Variants in PTPRD observed in about 807,000 individuals in gnomAD.
PTPRD encodes protein tyrosine phosphatase receptor type D.
PTPRD carries 34 observed loss-of-function variants against 214.5 expected under a neutral mutation model. That is an observed-to-expected ratio of 0.16 (90% CI 0.12 to 0.21). PTPRD has a LOEUF of 0.21. PTPRD is among the 10% of genes least tolerant of loss of function. The pLI is 1.00. For missense variants in PTPRD, 2,545 were observed against 2,398.7 expected (o/e 1.06, Z -1.27); for synonymous variants, 1,128 against 845.7 (o/e 1.33, Z -5.79).
chr9:10,060,897 C>CTTTCTTTCT (rs1555531625), intron 3 of PTPRD, among the ~76,000 whole-genome samples: 2 of 70,582 alleles, frequency 2.8e-5, no homozygotes, highest in East Asian at 4.9e-4. Context: ...TCCTTCCTTC[C>CTTTCTTTCT]TTCTTTCTTT....
At chr9:8,971,650 T>A (rs1244329453) in intron 11 of PTPRD, among the ~76,000 whole-genome samples, 2 of 151,628 alleles carry the variant, frequency 1.3e-5, no homozygotes, top group African/African-American at 2.4e-5. Context: ...AAAATTTGTA[T>A]GGGGAAATCA....
chr9:8,542,659 G>A (rs1014336855), intron 14 of PTPRD, among the ~76,000 whole-genome samples: 3 of 152,226 alleles, frequency 2.0e-5, no homozygotes, highest in African/African-American at 7.2e-5. Flanking sequence ...ACAGCACTAA[G>A]TACAAAGCAA....
intron 7 of PTPRD, among the ~76,000 whole-genome samples, chr9:9,680,172 C>G (rs953728409): frequency 2.0e-5 from 3 of 151,712 alleles, no homozygotes; most frequent in Non-Finnish European, 4.4e-5. Flanking sequence ...GCAATCCTGT[C>G]AAGGTAATTT....
At chr9:8,711,995 G>A (rs1196198279) in intron 12 of PTPRD, among the ~76,000 whole-genome samples, 1 of 152,190 alleles carries the variant, frequency 6.6e-6, no homozygotes, top group Non-Finnish European at 1.5e-5. Flanking sequence ...CTGAAGTGAA[G>A]GAACTGCTAC....
intron 33 of PTPRD, chr9:8,451,824 C>T: frequency 4.3e-6 from 2 of 466,038 alleles, no homozygotes; most frequent in Middle Eastern, 3.3e-4. Flanking sequence ...CATTGTGGCT[C>T]TGCCATTCTT....
At position 8,454,811 on chromosome 9, in the gene PTPRD, AGTGTGTGTGTGTGTGT is replaced by A. The variant is rs3043784; in HGVS notation, c.3876-4990_3876-4975del. ...CATGAAGTTACATCACTGAATACAT[AGTGTGTGTGTGTGTGT>A]GTGTGTGTGTGTGTGTGTGTGAATG... On this transcript the variant is annotated intron_variant, in intron 33 of 45. Coordinates refer to ENST00000381196, the MANE Select transcript of PTPRD (RefSeq NM_002839.4). 8.6e-4 allele frequency among the ~76,000 whole-genome samples: 128 copies of A among 148,734 alleles called. 5 individuals carry two copies. The South Asian group carries it at 0.022, about 26-fold the overall frequency.
intron 9 of PTPRD, among the ~76,000 whole-genome samples, chr9:9,222,167 TC>T (rs2099956520): frequency 6.6e-6 from 1 of 152,068 alleles, no homozygotes; most frequent in South Asian, 2.1e-4. Context: ...GCAAAAGTAA[TC>T]TATTAATTTA....
At chr9:9,807,497 A>C (rs2045821293) in intron 5 of PTPRD, among the ~76,000 whole-genome samples, 1 of 152,120 alleles carries the variant, frequency 6.6e-6, no homozygotes, top group African/African-American at 2.4e-5. Flanking sequence ...GAAGAGATAG[A>C]TTCCCTCTGC....
chr9:9,234,949 T>C (rs1325778802), intron 9 of PTPRD, among the ~76,000 whole-genome samples: 1 of 152,228 alleles, frequency 6.6e-6, no homozygotes, highest in Non-Finnish European at 1.5e-5. Context: ...TTTTTGCGTA[T>C]CTTTACAGCA....
intron 3 of PTPRD, among the ~76,000 whole-genome samples, chr9:10,085,169 G>T (rs2098313041): frequency 6.6e-6 from 1 of 151,730 alleles, no homozygotes; most frequent in South Asian, 2.1e-4. Flanking sequence ...AAACCATTTA[G>T]TACAGTATTA....
At chr9:10,003,244 G>C (rs1187093064) in intron 4 of PTPRD, among the ~76,000 whole-genome samples, 1 of 151,682 alleles carries the variant, frequency 6.6e-6, no homozygotes, top group African/African-American at 2.4e-5. Flanking sequence ...TAGAATACTG[G>C]ATCTATGGAG....
chr9:8,768,542 G>C (rs1247791721), intron 11 of PTPRD, among the ~76,000 whole-genome samples: 2 of 152,092 alleles, frequency 1.3e-5, no homozygotes, highest in African/African-American at 2.4e-5. Flanking sequence ...GACAGAGCAA[G>C]ATCCTGTCTC....
intron 14 of PTPRD, among the ~76,000 whole-genome samples, chr9:8,609,091 T>C (rs2095347783): frequency 6.6e-6 from 1 of 152,216 alleles, no homozygotes; most frequent in Non-Finnish European, 1.5e-5. Context: ...TCTTGTCTCA[T>C]CTTAAAAGTG....
At chr9:10,391,248 A>T (rs544559826) in intron 2 of PTPRD, among the ~76,000 whole-genome samples, 2 of 151,962 alleles carry the variant, frequency 1.3e-5, no homozygotes, top group East Asian at 3.9e-4. Flanking sequence ...TAAAGAAGCA[A>T]CATATCAGGA....
chr9:9,277,822 T>C (rs1415008172), intron 9 of PTPRD, among the ~76,000 whole-genome samples: 1 of 151,366 alleles, frequency 6.6e-6, no homozygotes, highest in African/African-American at 2.4e-5. Flanking sequence ...CTAAACTTTA[T>C]AAATGATATG....
chr9:9,983,788 T>C (rs909696173), intron 4 of PTPRD, among the ~76,000 whole-genome samples: 10 of 152,238 alleles, frequency 6.6e-5, no homozygotes, highest in Non-Finnish European at 1.5e-4. Context: ...AATTTCTTAA[T>C]TGATGCCTAA....
chr9:10,220,540 C>T (rs528964111), intron 3 of PTPRD, among the ~76,000 whole-genome samples: 1 of 151,996 alleles, frequency 6.6e-6, no homozygotes, highest in East Asian at 1.9e-4. Flanking sequence ...ATTAATAAAT[C>T]ACAAGCTGTC....
chr9:10,178,774 G>A (rs1202213763), intron 3 of PTPRD, among the ~76,000 whole-genome samples: 1 of 151,806 alleles, frequency 6.6e-6, no homozygotes, highest in Non-Finnish European at 1.5e-5. Flanking sequence ...GCAACATCCT[G>A]GTCTTACTCA....
At chr9:9,517,445 G>T (rs183877725) in intron 8 of PTPRD, among the ~76,000 whole-genome samples, 4 of 152,162 alleles carry the variant, frequency 2.6e-5, no homozygotes, top group Admixed American at 1.3e-4. Flanking sequence ...ACGAGGAAAA[G>T]CTAGAGTTAA....
Sources: allele counts gnomAD v4.1 joint callset (sites outside exome capture counted in the v4.1 genomes callset), GRCh38; gene constraint gnomAD v4.1.1; transcripts MANE v1.5; gene names NCBI Gene and HGNC (gene_info 2026-07-23, HGNC 2026-07-21).